GPATCH2: variants seen among roughly 807,000 people sequenced by gnomAD.
GPATCH2 encodes G patch domain-containing protein 2.
A neutral mutation model predicts 58.0 loss-of-function variants in GPATCH2; 51 were observed. That is an observed-to-expected ratio of 0.88 (90% confidence interval 0.70 to 1.11). The LOEUF (loss-of-function observed/expected upper bound fraction) is 1.11. GPATCH2 is among the 50% of genes most tolerant of loss of function. GPATCH2 has a pLI of 0.00. For missense variants in GPATCH2, 625 were observed against 652.2 expected (o/e 0.96, Z 0.45); for synonymous variants, 222 against 218.5 (o/e 1.02, Z -0.14).
At chr1:217,477,999 G>C (rs1661041436) in intron 8 of GPATCH2, among the ~76,000 whole-genome samples, 1 of 152,160 alleles carries the variant, frequency 6.6e-6, no homozygotes, top group Non-Finnish European at 1.5e-5. Context: ...AAGAGAATTA[G>C]AATCTCTGCC....
intron 1 of GPATCH2, among the ~76,000 whole-genome samples, chr1:217,623,455 T>C (rs1328906989): frequency 6.6e-6 from 1 of 152,004 alleles, no homozygotes; most frequent in Admixed American, 6.5e-5. Context: ...TAATAAAATA[T>C]AACTGCTAAT....
At chr1:217,593,967 G>A (rs1667705644) in intron 5 of GPATCH2, among the ~76,000 whole-genome samples, 1 of 151,804 alleles carries the variant, frequency 6.6e-6, no homozygotes, top group African/African-American at 2.4e-5. Flanking sequence ...GTTTCTTCAG[G>A]TAATGAATCT....
intron 6 of GPATCH2, among the ~76,000 whole-genome samples, chr1:217,499,129 C>A (rs1662165707): frequency 6.6e-6 from 1 of 152,074 alleles, no homozygotes; most frequent in Non-Finnish European, 1.5e-5. Flanking sequence ...CATAAAAAAA[C>A]TAACTGTAAA....
intron 5 of GPATCH2, among the ~76,000 whole-genome samples, chr1:217,605,927 A>G (rs1281761992): frequency 6.6e-6 from 1 of 152,114 alleles, no homozygotes; most frequent in African/African-American, 2.4e-5. Flanking sequence ...CTCCTGGATA[A>G]TAGCCTCCAC....
intron 5 of GPATCH2, among the ~76,000 whole-genome samples, chr1:217,594,694 CATGATT>C (rs1221566729): frequency 1.3e-5 from 2 of 152,104 alleles, no homozygotes; most frequent in African/African-American, 4.8e-5. Context: ...TTAAAAAATT[CATGATT>C]ATAATTGTTA....
rs141203125 is a variant in GPATCH2 at position 217,464,041 on chromosome 1, T to A, written c.1278-14704A>T. Reference sequence around the variant, plus strand: ...TTTCTAGTAACAGACAATACCATCCTAAAAGAAATTAAACCCTGACCACTT... The same window carrying A: ...TTTCTAGTAACAGACAATACCATCCAAAAAGAAATTAAACCCTGACCACTT... On this transcript the variant is annotated intron_variant, in intron 8 of 9. Transcript: ENST00000366935. Among the ~76,000 whole-genome samples, 841 of 152,168 alleles carry A rather than the reference T, an allele frequency of 5.5e-3. 8 individuals are homozygous for A. The highest frequency in any genetic ancestry group is 5.2e-3 in the Non-Finnish European group (355 of 67,992).
intron 8 of GPATCH2, among the ~76,000 whole-genome samples, chr1:217,454,588 C>A (rs1361998111): frequency 4.5e-3 from 268 of 59,508 alleles, no homozygotes; most frequent in African/African-American, 0.014. Flanking sequence ...GACTCTGTCT[C>A]AAAAAAAAAA....
chr1:217,616,818 A>C (rs1276092054), intron 2 of GPATCH2, among the ~76,000 whole-genome samples: 1 of 152,192 alleles, frequency 6.6e-6, no homozygotes, highest in Non-Finnish European at 1.5e-5. Context: ...TATGTACACT[A>C]ATATCAATCA....
At chr1:217,455,417 A>T (rs774996772) in intron 8 of GPATCH2, among the ~76,000 whole-genome samples, 1 of 152,148 alleles carries the variant, frequency 6.6e-6, no homozygotes, top group South Asian at 2.1e-4. Context: ...ATGTTGATTA[A>T]CCTTCCACCA....
intron 9 of GPATCH2, among the ~76,000 whole-genome samples, chr1:217,437,448 A>G (rs1355951161): frequency 6.6e-6 from 1 of 151,804 alleles, no homozygotes; most frequent in East Asian, 1.9e-4. Flanking sequence ...AGCACATCCC[A>G]CCCCCATGAA....
intron 5 of GPATCH2, among the ~76,000 whole-genome samples, chr1:217,523,669 A>G (rs1192966013): frequency 2.1e-4 from 31 of 150,600 alleles, no homozygotes; most frequent in South Asian, 4.2e-4. Context: ...ATCATGGCCC[A>G]TTCTCAATGA....
At chr1:217,459,024 A>C (rs988474750) in intron 8 of GPATCH2, among the ~76,000 whole-genome samples, 12 of 152,244 alleles carry the variant, frequency 7.9e-5, no homozygotes, top group South Asian at 2.1e-4. Flanking sequence ...TTAAAAGCAC[A>C]AGAAAAGCTT....
At position 217,449,340 on chromosome 1, in the gene GPATCH2, A is replaced by G. The variant is rs984605490; in HGVS notation, c.1278-3T>C. ...ATCCTAAATGCATGCTTGTTTGCCT[A>G]CGAATAATTATCAGAAAAAACTATT... On this transcript the variant is annotated splice_polypyrimidine_tract_variant and splice_region_variant and intron_variant, in intron 8 of 9. Coordinates refer to ENST00000366935, the MANE Select transcript of GPATCH2 (RefSeq NM_018040.5). The G allele has an allele frequency of 1.9e-6, 3 of 1,551,874 alleles. No homozygotes were observed. The highest frequency in any genetic ancestry group is 2.7e-5 in the African/African-American group (2 of 73,798).
At chr1:217,583,989 T>C (rs190373132) in intron 5 of GPATCH2, among the ~76,000 whole-genome samples, 12 of 152,196 alleles carry the variant, frequency 7.9e-5, no homozygotes, top group African/African-American at 2.9e-4. Context: ...TTATCTGTTT[T>C]AGATTTTCAC....
chr1:217,612,438 T>C (rs1015810911), intron 3 of GPATCH2, among the ~76,000 whole-genome samples: 4 of 152,168 alleles, frequency 2.6e-5, no homozygotes, highest in African/African-American at 9.7e-5. Flanking sequence ...AATTATTTTA[T>C]GAGAAATAGC....
chr1:217,470,545 A>C (rs951031584), intron 8 of GPATCH2, among the ~76,000 whole-genome samples: 34 of 152,176 alleles, frequency 2.2e-4, no homozygotes, highest in Non-Finnish European at 2.9e-4. Flanking sequence ...CTGATAACTA[A>C]TTTTATTTCA....
At chr1:217,459,484 AAACTGT>A (rs1660104066) in intron 8 of GPATCH2, among the ~76,000 whole-genome samples, 1 of 152,188 alleles carries the variant, frequency 6.6e-6, no homozygotes, top group Admixed American at 6.5e-5. Context: ...GGCACTTACT[AAACTGT>A]TTACCTCATT....
intron 9 of GPATCH2, among the ~76,000 whole-genome samples, chr1:217,447,248 T>A (rs1032095646): frequency 6.6e-6 from 1 of 152,188 alleles, no homozygotes; most frequent in Non-Finnish European, 1.5e-5. Context: ...TAGATAAATC[T>A]TCTATAAAAC....
chr1:217,523,904 A>C (rs1242188622), intron 5 of GPATCH2, among the ~76,000 whole-genome samples: 3 of 94,086 alleles, frequency 3.2e-5, no homozygotes, highest in Non-Finnish European at 7.1e-5. Flanking sequence ...CGGGGGGCTG[A>C]CCCCCACACC....
Sources: gnomAD v4.1 joint callset for allele counts (sites outside exome capture counted in the v4.1 genomes callset) on GRCh38, gnomAD v4.1.1 for gene constraint, MANE v1.5 for transcripts, NCBI Gene and HGNC (gene_info 2026-07-23, HGNC 2026-07-21) for gene names.